The following TRNT1 variants were observed in gnomAD, a reference collection of about 807,000 sequenced individuals.
TRNT1 encodes tRNA nucleotidyl transferase 1.
Under a neutral mutation model 45.6 loss-of-function variants are expected in TRNT1, and 44 were observed. The ratio of observed to expected loss-of-function variants is 0.97; its 90% CI spans 0.76 to 1.24. The LOEUF is 1.24. Ranked by LOEUF, TRNT1 falls within the 50% of genes most tolerant of loss-of-function variation. The pLI, the probability that TRNT1 is intolerant of heterozygous loss-of-function variation, is 0.00. For synonymous variants in TRNT1, 201 were observed against 171.4 expected, an observed-to-expected ratio of 1.17 and a Z score of -1.35; for missense variants, 633 against 504.4, an observed-to-expected ratio of 1.25 and a Z score of -2.44.
chr3:3,134,147 T>C (rs1215201329), intron 2 of TRNT1, among the ~76,000 whole-genome samples: 1 of 152,198 alleles, frequency 6.6e-6, no homozygotes, highest in Non-Finnish European at 1.5e-5. Flanking sequence ...GGTGTTATTT[T>C]CACTGAATTA....
At chr3:3,143,378 C>T (rs1435506576) in intron 4 of TRNT1, among the ~76,000 whole-genome samples, 3 of 152,018 alleles carry the variant, frequency 2.0e-5, no homozygotes, top group Non-Finnish European at 2.9e-5. Context: ...TCACTTTTTT[C>T]ATTCAACATA....
At chr3:3,133,554 T>A (rs1195873196) in intron 2 of TRNT1, among the ~76,000 whole-genome samples, 227 of 142,664 alleles carry the variant, frequency 1.6e-3, no homozygotes, top group African/African-American at 6.0e-3. Flanking sequence ...AGACCCTCTC[T>A]CAAAAAAAAA....
downstream of TRNT1, among the ~76,000 whole-genome samples, chr3:3,152,187 G>C (rs1706608261): frequency 6.9e-6 from 1 of 144,610 alleles, no homozygotes; most frequent in Non-Finnish European, 1.5e-5. Flanking sequence ...TTCTCACTCT[G>C]TCACCCAGGC....
At chr3:3,133,783 G>A (rs538438923) in intron 2 of TRNT1, among the ~76,000 whole-genome samples, 5 of 152,044 alleles carry the variant, frequency 3.3e-5, no homozygotes, top group East Asian at 2.0e-4. Flanking sequence ...CTTGAAGTCC[G>A]GAGCTCTTAG....
chr3:3,148,847 A>AAGAT lies in TRNT1; in HGVS notation c.*695_*698dup, dbSNP rs1163788458. 1.3e-5 allele frequency: 2 copies of AAGAT among 152,280 alleles called. No homozygotes were observed. The highest frequency in any genetic ancestry group is 2.1e-4 in the South Asian group (1 of 4,830). The allele number at this position is 152,280 out of a possible 1,614,324, so 9.4% of individuals were successfully genotyped here. ...TTAATAAAACAAACATTGGTATTGG[A>AAGAT]AGATAAATATGTTTATGTGGTATCT... On this transcript the variant is annotated 3_prime_UTR_variant, in exon 8 of 8. Coordinates refer to ENST00000251607, the MANE Select transcript of TRNT1 (RefSeq NM_182916.3).
downstream of TRNT1, chr3:3,150,400 C>T (rs1325542019): frequency 6.5e-6 from 1 of 153,244 alleles, no homozygotes; most frequent in East Asian, 1.9e-4. Context: ...TGCTTCTTTC[C>T]AAAAGGAACA....
At position 3,147,922 on chromosome 3, in the gene TRNT1, C is replaced by T. The variant is rs746690923; in HGVS notation, c.1073C>T (p.Ala358Val). Residue 358 changes from alanine to valine, a missense_variant, in exon 8 of 8, where the codon GCA becomes GTA. Transcript: ENST00000251607. ...GACACGTAGTCTAGGGAACCTGATG[C>T]AACTACTCGTGTATGTGAACTACTG... is the stretch of plus-strand genomic sequence containing the variant. ...DFIIDSREPDATTRVCELLKY... is the reference protein window; with the variant it reads ...DFIIDSREPDVTTRVCELLKY... 6.2e-7 allele frequency: 1 copy of T among 1,612,162 alleles called. No individual in the cohort carries two copies. The highest frequency in any genetic ancestry group is 1.3e-5 in the African/African-American group (1 of 74,852).
chr3:3,153,066 A>T (rs577140355), downstream of TRNT1: 3 of 307,074 alleles, frequency 9.8e-6, no homozygotes, highest in South Asian at 1.0e-4. Flanking sequence ...AGCATGTCCT[A>T]CTTTGGCCCT....
At chr3:3,152,423 G>GA (rs11414437), downstream of TRNT1, 334,754 of 1,455,770 alleles carry the variant, frequency 0.23, 21,749 homozygotes, top group East Asian at 0.57. Flanking sequence ...GGTAAAAAAA[G>GA]AAAAAAAAAA....
At position 3,144,627 on chromosome 3, in the gene TRNT1, T is replaced by C; in HGVS notation, c.525T>C (p.Asp175=). ...TLFDYFNGYE[D]LKNKKVRFVG... is the part of the protein sequence containing the mutation. ...TTGACTACTTTAATGGTTATGAAGA[T>C]TTAAAAAATAAGAAAGTTAGATTTG... Residue 175 remains aspartate (D), a synonymous_variant, in exon 5 of 8, where the codon GAT becomes GAC. Coordinates refer to ENST00000251607, the MANE Select transcript of TRNT1 (RefSeq NM_182916.3). 6.3e-7 allele frequency: 1 copy of C among 1,587,602 alleles called. No individual in the cohort carries two copies. Among genetic ancestry groups the C allele is most frequent in the South Asian group, 1.1e-5 (1 of 89,280 alleles).
intron 1 of TRNT1, 103 bp from the exon 2 acceptor site, chr3:3,128,911 G>C: frequency 1.1e-6 from 1 of 887,368 alleles, no homozygotes; most frequent in Non-Finnish European, 1.7e-6. Flanking sequence ...CTGAACAAGA[G>C]ATGAATTTCT....
intron 7 of TRNT1, 40 bp downstream of exon 7, chr3:3,147,743 G>A (rs771906563): frequency 1.5e-5 from 24 of 1,554,174 alleles, no homozygotes; most frequent in Non-Finnish European, 1.9e-5. Context: ...ATGAAGTATC[G>A]TCACGAATTT....
chr3:3,140,980 G>C (rs574150115), intron 4 of TRNT1, among the ~76,000 whole-genome samples: 1 of 152,240 alleles, frequency 6.6e-6, no homozygotes, highest in East Asian at 1.9e-4. Context: ...TGTTAGGCAG[G>C]AGAATGGTGT....
chr3:3,142,797 T>C (rs1705739334), intron 4 of TRNT1, among the ~76,000 whole-genome samples: 1 of 152,240 alleles, frequency 6.6e-6, no homozygotes, highest in Non-Finnish European at 1.5e-5. Context: ...AACACCAAGA[T>C]GGATATACCA....
chr3:3,152,634 A>C, downstream of TRNT1: 1 of 1,608,490 alleles, frequency 6.2e-7, no homozygotes, highest in South Asian at 1.1e-5. Context: ...CGAGAAGTCT[A>C]ATTTTATTAA....
chr3:3,139,796 G>A (rs564941860), intron 3 of TRNT1, among the ~76,000 whole-genome samples: 48 of 152,004 alleles, frequency 3.2e-4, no homozygotes, highest in Admixed American at 3.9e-4. Flanking sequence ...GTGTGATCTC[G>A]ACTCACTGCA....
chr3:3,152,027 G>A (rs904892840), downstream of TRNT1, among the ~76,000 whole-genome samples: 11 of 152,054 alleles, frequency 7.2e-5, no homozygotes, highest in African/African-American at 2.7e-4. Context: ...GGATTTAACT[G>A]GATACAGTAA....
chr3:3,144,584 G>T lies in TRNT1; in HGVS notation c.482G>T (p.Gly161Val). The T allele has an allele frequency of 1.3e-6, 2 of 1,575,670 alleles. No individual in the cohort carries two copies. Among genetic ancestry groups the T allele is most frequent in the East Asian group, 2.3e-5 (1 of 43,876 alleles). ...TTCTCCCTCCTTTTCTAATGAATAG[G>T]TTTTGATGGCACTTTATTTGACTAC... ...RDLTINSMFL[G>V]FDGTLFDYFN... Residue 161 changes from glycine to valine, a missense_variant and splice_region_variant, in exon 5 of 8, where the codon GGT becomes GTT. Transcript: ENST00000251607.
chr3:3,150,185 A>G (rs983101374), downstream of TRNT1: 4 of 152,262 alleles, frequency 2.6e-5, no homozygotes, highest in Non-Finnish European at 5.9e-5. Flanking sequence ...ATGGAACAGT[A>G]TAAATGGGCT....
Sources: allele counts gnomAD v4.1 joint callset (sites outside exome capture counted in the v4.1 genomes callset), GRCh38; gene constraint gnomAD v4.1.1; transcripts MANE v1.5; gene names NCBI Gene and HGNC (gene_info 2026-07-23, HGNC 2026-07-21).